ARMC8: variants seen among roughly 807,000 people sequenced by gnomAD.
The protein encoded by ARMC8 is armadillo repeat containing 8, also known as armadillo repeat-containing protein 8.
A neutral mutation model predicts 99.3 loss-of-function variants in ARMC8; 20 were observed. The observed-to-expected ratio is 0.20, with a 90% CI of 0.14 to 0.29. The LOEUF (loss-of-function observed/expected upper bound fraction) is 0.29, where lower values mean the gene tolerates loss of function less well. Ranked by LOEUF, ARMC8 falls within the 10% of genes least tolerant of loss-of-function variation. The probability of loss-of-function intolerance (pLI) is 1.00; values close to 1 mark genes in which losing one functional copy is unlikely to be tolerated. For synonymous variants in ARMC8, 263 were observed against 278.3 expected, an observed-to-expected ratio of 0.95 and a Z score of 0.55; for missense variants, 569 against 809.5, an observed-to-expected ratio of 0.70 and a Z score of 3.60.
chr3:138,274,037 C>G (rs887002843), intron 17 of ARMC8, among the ~76,000 whole-genome samples: 6 of 152,042 alleles, frequency 3.9e-5, no homozygotes, highest in African/African-American at 1.4e-4. Context: ...AGGCTGGTCT[C>G]GAACTCCTGC....
At chr3:138,222,095 C>A in intron 3 of ARMC8, 98 bp downstream of exon 3, 2 of 837,282 alleles carry the variant, frequency 2.4e-6, no homozygotes, top group Admixed American at 2.5e-5. Flanking sequence ...TATTGTCTGT[C>A]TAATTCTTAA....
chr3:138,233,232 A>C (rs1247818349), intron 6 of ARMC8, among the ~76,000 whole-genome samples: 1 of 152,168 alleles, frequency 6.6e-6, no homozygotes, highest in Non-Finnish European at 1.5e-5. Flanking sequence ...TGCATGGATG[A>C]GGTGGGAGGA....
At position 138,196,681 on chromosome 3, in the gene ARMC8, A is replaced by G. The variant is rs1488726468; in HGVS notation, c.45+9082A>G. On this transcript the variant is annotated intron_variant, in intron 1 of 21. Transcript: ENST00000469044. ...GTCAGGAGTCTGAGACCAGCCTAAC[A>G]TGGTGAAACCCCGTTTCTACTAAAA... Among the ~76,000 whole-genome samples, 4 of 152,004 alleles carry G rather than the reference A, an allele frequency of 2.6e-5. No homozygotes were observed. The East Asian group carries it at 5.8e-4, about 22-fold the overall frequency.
chr3:138,237,966 A>G (rs2046414341), intron 9 of ARMC8: 1 of 157,698 alleles, frequency 6.3e-6, no homozygotes, highest in Admixed American at 6.5e-5. Flanking sequence ...TTGATAACCA[A>G]GGGATGATTT....
chr3:138,243,978 T>C (rs1008068265), intron 11 of ARMC8, among the ~76,000 whole-genome samples: 2 of 152,212 alleles, frequency 1.3e-5, no homozygotes, highest in East Asian at 1.9e-4. Context: ...TTGGTAGACT[T>C]TGTATAGTTA....
At chr3:138,191,112 A>G (rs1047145872) in intron 1 of ARMC8, among the ~76,000 whole-genome samples, 3 of 152,220 alleles carry the variant, frequency 2.0e-5, no homozygotes, top group Non-Finnish European at 2.9e-5. Context: ...ATAATACTCT[A>G]TCTTGTCGTA....
At chr3:138,243,219 C>A (rs934297569) in intron 11 of ARMC8, among the ~76,000 whole-genome samples, 1 of 152,188 alleles carries the variant, frequency 6.6e-6, no homozygotes, top group Non-Finnish European at 1.5e-5. Context: ...TTAACTAGTA[C>A]GTAGATTATC....
At chr3:138,212,427 A>G (rs2044751651) in intron 2 of ARMC8, among the ~76,000 whole-genome samples, 1 of 149,778 alleles carries the variant, frequency 6.7e-6, no homozygotes, top group South Asian at 2.1e-4. Flanking sequence ...CTCCTGCCTC[A>G]GCCTCCCGAG....
chr3:138,264,799 A>G (rs1305300398), intron 14 of ARMC8, among the ~76,000 whole-genome samples: 1 of 146,458 alleles, frequency 6.8e-6, no homozygotes, highest in African/African-American at 2.4e-5. Flanking sequence ...TTAACCTTAT[A>G]TCCAGAATTA....
chr3:138,256,471 T>C (rs1295643157), intron 12 of ARMC8, among the ~76,000 whole-genome samples: 5 of 143,068 alleles, frequency 3.5e-5, no homozygotes, highest in African/African-American at 1.0e-4. Context: ...AGTGCAGTGG[T>C]GCTATCTCGG....
chr3:138,195,932 T>G (rs936935330), intron 1 of ARMC8, among the ~76,000 whole-genome samples: 2 of 152,018 alleles, frequency 1.3e-5, no homozygotes, highest in Non-Finnish European at 2.9e-5. Context: ...TTCTAGCATA[T>G]TCATAATGTA....
chr3:138,256,599 AC>A lies in ARMC8; in HGVS notation c.1135-7139del, dbSNP rs201349038. Among the ~76,000 whole-genome samples the A allele has an allele frequency of 5.6e-3, 841 of 151,106 alleles. 6 individuals are homozygous for A. The highest frequency in any genetic ancestry group is 0.019 in the African/African-American group (788 of 41,156). On this transcript the variant is annotated intron_variant, in intron 12 of 21. Coordinates refer to ENST00000469044, the MANE Select transcript of ARMC8 (RefSeq NM_001363941.2). ...CTAATTTTTTGTATTTTTAGTAGAG[AC>A]GGGGTTTCACCGTGTTAGCCAGGAT...
At chr3:138,218,966 T>C (rs954462313) in intron 2 of ARMC8, among the ~76,000 whole-genome samples, 2 of 152,190 alleles carry the variant, frequency 1.3e-5, no homozygotes, top group African/African-American at 2.4e-5. Context: ...ATGAATTCAC[T>C]GAATTCATTT....
At chr3:138,234,377 T>C (rs556325199) in intron 6 of ARMC8, among the ~76,000 whole-genome samples, 1 of 152,350 alleles carries the variant, frequency 6.6e-6, no homozygotes, top group East Asian at 1.9e-4. Context: ...CCCAGAGTGC[T>C]GGGATTACAG....
intron 16 of ARMC8, 145 bp downstream of exon 16, chr3:138,270,277 A>G (rs2048665400): frequency 1.6e-6 from 1 of 616,534 alleles, no homozygotes; most frequent in Non-Finnish European, 2.8e-6. Context: ...AATGACTAGG[A>G]CCTAGAAGGC....
chr3:138,246,409 T>A, intron 12 of ARMC8: 2 of 985,602 alleles, frequency 2.0e-6, no homozygotes, highest in Non-Finnish European at 2.4e-6. Flanking sequence ...TAGTGATATA[T>A]ATATGATTTA....
At chr3:138,257,960 G>A (rs79762373) in intron 12 of ARMC8, among the ~76,000 whole-genome samples, 1 of 152,132 alleles carries the variant, frequency 6.6e-6, no homozygotes. Flanking sequence ...ACTGCGGCTT[G>A]TGATTTTCAG....
Position 138,223,622 on chromosome 3 carries a change from AT to A in ARMC8, c.338-11del. ...GTTGAAAGGATTAGTCCTAAATCTC[AT>A]TTCTGTTAATAGGACTACTGTCCCC... On this transcript the variant is annotated splice_polypyrimidine_tract_variant and intron_variant, in intron 4 of 21. Coordinates refer to ENST00000469044, the MANE Select transcript of ARMC8 (RefSeq NM_001363941.2). The A allele has an allele frequency of 6.2e-7, 1 of 1,613,908 alleles. No homozygotes were observed. The highest frequency in any genetic ancestry group is 8.5e-7 in the Non-Finnish European group (1 of 1,179,774).
At chr3:138,258,319 C>T (rs2108240107) in intron 12 of ARMC8, among the ~76,000 whole-genome samples, 1 of 152,290 alleles carries the variant, frequency 6.6e-6, no homozygotes, top group Non-Finnish European at 1.5e-5. Context: ...AATGTTTCAT[C>T]CCGAATAAAG....
Sources: allele counts gnomAD v4.1 joint callset (sites outside exome capture counted in the v4.1 genomes callset), GRCh38; gene constraint gnomAD v4.1.1; transcripts MANE v1.5; gene names NCBI Gene and HGNC (gene_info 2026-07-23, HGNC 2026-07-21).